The following EXOC4 variants were observed in gnomAD, a reference collection of about 807,000 sequenced individuals.
The protein encoded by EXOC4 is SEC8-like 1.
A neutral mutation model predicts 107.2 loss-of-function variants in EXOC4; 71 were observed. The ratio of observed to expected loss-of-function variants is 0.66; its 90% CI spans 0.55 to 0.81. The LOEUF is 0.81. Ranked by LOEUF, EXOC4 falls within the 30% of genes least tolerant of loss-of-function variation. EXOC4 has a pLI of 0.00. For missense variants in EXOC4, 1,108 were observed against 1,189.6 expected (o/e 0.93, Z 1.01); for synonymous variants, 456 against 441.2 (o/e 1.03, Z -0.42).
chr7:133,514,490 A>G (rs1799836362), intron 9 of EXOC4, among the ~76,000 whole-genome samples: 1 of 152,116 alleles, frequency 6.6e-6, no homozygotes, highest in Admixed American at 6.5e-5. Flanking sequence ...AAAACAAGTA[A>G]CTTTCTTTTT....
At chr7:133,708,634 G>A (rs931483142) in intron 10 of EXOC4, among the ~76,000 whole-genome samples, 1 of 152,208 alleles carries the variant, frequency 6.6e-6, no homozygotes, top group Non-Finnish European at 1.5e-5. Context: ...TTTAAGTCCT[G>A]CAGCAACTTA....
intron 7 of EXOC4, among the ~76,000 whole-genome samples, chr7:133,433,868 C>T (rs1429230369): frequency 6.6e-6 from 1 of 152,150 alleles, no homozygotes; most frequent in Non-Finnish European, 1.5e-5. Context: ...CTCCACAAAC[C>T]TGTCTGTACT....
chr7:133,827,894 G>A (rs1367935669), intron 11 of EXOC4, among the ~76,000 whole-genome samples: 2 of 152,130 alleles, frequency 1.3e-5, no homozygotes, highest in Non-Finnish European at 1.5e-5. Flanking sequence ...GTCTGAGCAC[G>A]AGGCTGTTTC....
chr7:133,568,535 T>A (rs969299048), intron 9 of EXOC4, among the ~76,000 whole-genome samples: 1 of 152,168 alleles, frequency 6.6e-6, no homozygotes, highest in Admixed American at 6.5e-5. Context: ...TAGGCATAGG[T>A]TATGAGGAAA....
At chr7:133,900,001 G>A (rs1382596636) in intron 12 of EXOC4, among the ~76,000 whole-genome samples, 1 of 151,964 alleles carries the variant, frequency 6.6e-6, no homozygotes, top group Non-Finnish European at 1.5e-5. Flanking sequence ...TTCTCCCACC[G>A]CCTCGGCCTC....
chr7:133,412,278 G>GT (rs35334259), intron 7 of EXOC4, among the ~76,000 whole-genome samples: 4,094 of 71,222 alleles, frequency 0.057, 441 homozygotes, highest in African/African-American at 0.092. Context: ...TCAGAATTCA[G>GT]TTTTTTTTTT....
chr7:133,274,739 G>A (rs1003952264), intron 1 of EXOC4, among the ~76,000 whole-genome samples: 3 of 152,158 alleles, frequency 2.0e-5, no homozygotes, highest in Non-Finnish European at 4.4e-5. Flanking sequence ...ATTAAAATCA[G>A]TTCTAATGCC....
chr7:134,015,814 G>A (rs1794893456), intron 17 of EXOC4, among the ~76,000 whole-genome samples: 1 of 150,706 alleles, frequency 6.6e-6, no homozygotes, highest in South Asian at 2.1e-4. Context: ...AGCGGAGGTT[G>A]GAGTGAGCTG....
intron 9 of EXOC4, among the ~76,000 whole-genome samples, chr7:133,604,720 T>C (rs1387915457): frequency 3.9e-5 from 4 of 101,852 alleles, no homozygotes; most frequent in African/African-American, 1.6e-4. Context: ...CTTTTTTTTT[T>C]TTTTTTTTTT....
chr7:133,253,396 C>T, intron 1 of EXOC4: 2 of 1,325,466 alleles, frequency 1.5e-6, no homozygotes, highest in Non-Finnish European at 1.9e-6. Context: ...AGAGAGGAGC[C>T]CCGCCTCAGT....
rs1363572048 is a variant in EXOC4, at chr7:133,265,709, TGGA to T, written c.87-9268_87-9266del. Among the ~76,000 whole-genome samples, 10 of 152,320 alleles carry T rather than the reference TGGA, an allele frequency of 6.6e-5. No homozygotes were observed. The East Asian group carries it at 1.2e-3, about 18-fold the overall frequency. On this transcript the variant is annotated intron_variant, in intron 1 of 17. Coordinates refer to ENST00000253861, the MANE Select transcript of EXOC4 (RefSeq NM_021807.4). ...TTGTTTTGTTCATCTTTATTATTCC[TGGA>T]GGAGAAGTCACTGGATGCCAACAAG...
chr7:133,724,039 C>A (rs1335960874), intron 10 of EXOC4, among the ~76,000 whole-genome samples: 1 of 152,108 alleles, frequency 6.6e-6, no homozygotes, highest in Non-Finnish European at 1.5e-5. Flanking sequence ...CATGCATTTG[C>A]TAGTCAGGCC....
chr7:134,037,527 G>C (rs926992643), intron 17 of EXOC4, among the ~76,000 whole-genome samples: 1 of 152,168 alleles, frequency 6.6e-6, no homozygotes, highest in African/African-American at 2.4e-5. Flanking sequence ...CATTGGTGGA[G>C]AGGGGCCCTG....
At chr7:133,446,548 C>G (rs577063733) in intron 7 of EXOC4, among the ~76,000 whole-genome samples, 1 of 152,152 alleles carries the variant, frequency 6.6e-6, no homozygotes, top group Admixed American at 6.5e-5. Context: ...CTCAGTCCAG[C>G]GACCTGTCTG....
intron 7 of EXOC4, among the ~76,000 whole-genome samples, chr7:133,464,811 GTTTTTTTT>G (rs3046149): frequency 1.9e-5 from 1 of 51,298 alleles, no homozygotes; most frequent in African/African-American, 8.3e-5. Flanking sequence ...GGTTGGGTTG[GTTTTTTTT>G]TTTTTTTTTT....
At chr7:133,704,602 G>C (rs1794729701) in intron 10 of EXOC4, among the ~76,000 whole-genome samples, 1 of 152,204 alleles carries the variant, frequency 6.6e-6, no homozygotes, top group African/African-American at 2.4e-5. Context: ...TGGGGAACCT[G>C]TCCTTGCTGC....
chr7:133,299,779 G>A (rs1050427098), intron 3 of EXOC4, among the ~76,000 whole-genome samples: 4 of 152,036 alleles, frequency 2.6e-5, no homozygotes, highest in African/African-American at 9.7e-5. Flanking sequence ...GCCTTATCCT[G>A]TAAATTCCAT....
intron 7 of EXOC4, among the ~76,000 whole-genome samples, chr7:133,434,445 C>T (rs1474883542): frequency 6.6e-6 from 1 of 152,150 alleles, no homozygotes; most frequent in African/African-American, 2.4e-5. Flanking sequence ...TTTCCCTTTG[C>T]TCTGAGCTCC....
At chr7:134,024,045 C>G (rs1170928129) in intron 17 of EXOC4, among the ~76,000 whole-genome samples, 1 of 152,176 alleles carries the variant, frequency 6.6e-6, no homozygotes, top group Non-Finnish European at 1.5e-5. Context: ...TGGACCACAC[C>G]TTACAGGGAG....
Sources: gnomAD v4.1 joint callset for allele counts (sites outside exome capture counted in the v4.1 genomes callset) on GRCh38, gnomAD v4.1.1 for gene constraint, MANE v1.5 for transcripts, NCBI Gene and HGNC (gene_info 2026-07-23, HGNC 2026-07-21) for gene names.